ACYP2: variants seen among roughly 807,000 people sequenced by gnomAD.
ACYP2 encodes acylphosphatase 2.
A neutral mutation model predicts 11.2 loss-of-function variants in ACYP2; 12 were observed. The ratio of observed to expected loss-of-function variants is 1.08; its 90% CI spans 0.69 to 1.74. The LOEUF (loss-of-function observed/expected upper bound fraction) is 1.74, where lower values mean the gene tolerates loss of function less well. ACYP2 is among the 40% of genes most tolerant of loss of function. ACYP2 has a pLI of 0.00. For missense variants in ACYP2, 134 were observed against 101.9 expected (o/e 1.31, Z -1.35); for synonymous variants, 43 against 32.2 (o/e 1.33, Z -1.13).
chr2:54,183,320 A>T (rs1290984403), intron 6 of ACYP2, among the ~76,000 whole-genome samples: 1 of 152,232 alleles, frequency 6.6e-6, no homozygotes, highest in African/African-American at 2.4e-5. Flanking sequence ...AATTTATTCT[A>T]TAAAATTTAT....
chr2:54,197,935 ATGTATTATATTGTATTGTAT>A (rs1393288797), intron 6 of ACYP2, among the ~76,000 whole-genome samples: 5,068 of 130,974 alleles, frequency 0.039, 272 homozygotes, highest in South Asian at 0.077. Context: ...TTATTTATGT[ATGTATTATATTGTATTGTAT>A]TGTATTGTAT....
chr2:54,155,681 C>G lies in ACYP2; in HGVS notation c.404+16933C>G, dbSNP rs572416974. The stretch of plus-strand genomic sequence containing the variant: ...CTTCCTGTCTTCCACCAAACTGGTC[C>G]CTGGTGCATAGAGCCATTTATTGCT... On this transcript the variant is annotated intron_variant, in intron 6 of 6. Coordinates refer to ENST00000607452, the MANE Select transcript of ACYP2 (RefSeq NM_001320586.2). Among the ~76,000 whole-genome samples, 11 of 152,318 alleles carry G rather than the reference C, an allele frequency of 7.2e-5. No homozygotes were observed. In the East Asian group the frequency reaches 2.1e-3, roughly 29 times the overall value.
chr2:54,273,089 G>C (rs1279165607), intron 6 of ACYP2, among the ~76,000 whole-genome samples: 1 of 152,148 alleles, frequency 6.6e-6, no homozygotes, highest in East Asian at 1.9e-4. Flanking sequence ...AAGTTGTTTG[G>C]GTTATTTTTA....
intron 6 of ACYP2, among the ~76,000 whole-genome samples, chr2:54,191,651 A>G (rs1342324939): frequency 6.6e-6 from 1 of 152,206 alleles, no homozygotes; most frequent in African/African-American, 2.4e-5. Context: ...AGTCACTGGC[A>G]CAGGAGTAAA....
chr2:54,123,393 C>G, intron 4 of ACYP2: 1 of 398,534 alleles, frequency 2.5e-6, no homozygotes, highest in East Asian at 3.6e-5. Flanking sequence ...AATGACTGCC[C>G]TTGTTCTACA....
At chr2:54,213,365 T>C (rs749924827) in intron 6 of ACYP2, among the ~76,000 whole-genome samples, 1 of 152,166 alleles carries the variant, frequency 6.6e-6, no homozygotes, top group Non-Finnish European at 1.5e-5. Flanking sequence ...ATGGATTCCA[T>C]GTCTTTGCTC....
chr2:54,201,640 T>C (rs867963959), intron 6 of ACYP2, among the ~76,000 whole-genome samples: 52 of 60,726 alleles, frequency 8.6e-4, no homozygotes, highest in African/African-American at 1.5e-3. Flanking sequence ...TTCTTTCTCT[T>C]TCTTTCTTTC....
chr2:53,973,021 A>G (rs1671250874), intron 1 of ACYP2, among the ~76,000 whole-genome samples: 1 of 152,186 alleles, frequency 6.6e-6, no homozygotes, highest in Non-Finnish European at 1.5e-5. Flanking sequence ...CCCACATTTA[A>G]GGACAGACAG....
intron 6 of ACYP2, among the ~76,000 whole-genome samples, chr2:54,173,887 A>G (rs957396215): frequency 6.6e-6 from 1 of 151,908 alleles, no homozygotes; most frequent in Non-Finnish European, 1.5e-5. Flanking sequence ...TTCCATTGGT[A>G]TATATCTCTG....
chr2:54,047,163 A>G (rs1463331932), intron 2 of ACYP2, among the ~76,000 whole-genome samples: 3 of 152,218 alleles, frequency 2.0e-5, no homozygotes, highest in Non-Finnish European at 4.4e-5. Flanking sequence ...TCTGCTCTGG[A>G]TGTATATAAT....
intron 6 of ACYP2, among the ~76,000 whole-genome samples, chr2:54,259,995 C>T (rs1038059059): frequency 2.0e-5 from 3 of 151,986 alleles, no homozygotes; most frequent in Non-Finnish European, 4.4e-5. Context: ...TGTGAATGAT[C>T]CAGTAGGGAG....
intron 4 of ACYP2, among the ~76,000 whole-genome samples, chr2:54,087,870 C>G (rs1226026341): frequency 6.6e-6 from 1 of 151,830 alleles, no homozygotes; most frequent in Non-Finnish European, 1.5e-5. Flanking sequence ...ATGAAATTTA[C>G]AAAGGAAATT....
chr2:54,130,695 C>A (rs1402577937), intron 4 of ACYP2, among the ~76,000 whole-genome samples: 1 of 152,178 alleles, frequency 6.6e-6, no homozygotes, highest in Admixed American at 6.5e-5. Context: ...TTCAGTAAAT[C>A]TTCAGTAACG....
At chr2:54,287,835 C>G (rs1382706734) in intron 6 of ACYP2, among the ~76,000 whole-genome samples, 1 of 151,960 alleles carries the variant, frequency 6.6e-6, no homozygotes, top group Non-Finnish European at 1.5e-5. Context: ...GAGCCCTGAC[C>G]AAATTGCAGA....
At chr2:54,185,957 T>C (rs1406096861) in intron 6 of ACYP2, among the ~76,000 whole-genome samples, 3 of 151,590 alleles carry the variant, frequency 2.0e-5, no homozygotes, top group Non-Finnish European at 4.4e-5. Context: ...ATATGTATTA[T>C]AAATATAATA....
intron 6 of ACYP2, among the ~76,000 whole-genome samples, chr2:54,141,682 A>C (rs369697601): frequency 1.0e-3 from 153 of 151,598 alleles, no homozygotes; most frequent in African/African-American, 3.4e-3. Context: ...ATTTCCTCTC[A>C]CTGTTCTTTT....
Position 54,155,631 on chromosome 2 carries a change from T to A in ACYP2, c.404+16883T>A, listed in dbSNP as rs371835722. Among the ~76,000 whole-genome samples, 29 of 152,302 alleles carry A rather than the reference T, an allele frequency of 1.9e-4. No homozygotes were observed. The Middle Eastern group carries it at 0.01, about 54-fold the overall frequency. Reference sequence around the variant, plus strand: ...GCCTGATGATCTGAGGTGGAACAGTTTCATCCTGAAACCCTACCTGCTTCC... The same window carrying A: ...GCCTGATGATCTGAGGTGGAACAGTATCATCCTGAAACCCTACCTGCTTCC... On this transcript the variant is annotated intron_variant, in intron 6 of 6. Coordinates refer to ENST00000607452, the MANE Select transcript of ACYP2 (RefSeq NM_001320586.2).
At chr2:54,163,990 CA>C (rs1024111443) in intron 6 of ACYP2, among the ~76,000 whole-genome samples, 2 of 152,136 alleles carry the variant, frequency 1.3e-5, no homozygotes, top group African/African-American at 4.8e-5. Flanking sequence ...CTAGCTGAGG[CA>C]ATAAAACTTA....
At chr2:54,109,970 A>G (rs975655761) in intron 4 of ACYP2, among the ~76,000 whole-genome samples, 2 of 152,206 alleles carry the variant, frequency 1.3e-5, no homozygotes, top group African/African-American at 2.4e-5. Flanking sequence ...CACCAAGGAT[A>G]CTAACATTGC....
Sources: allele counts gnomAD v4.1 joint callset (sites outside exome capture counted in the v4.1 genomes callset), GRCh38; gene constraint gnomAD v4.1.1; transcripts MANE v1.5; gene names NCBI Gene and HGNC (gene_info 2026-07-23, HGNC 2026-07-21).